MTRF1L: variants seen among roughly 807,000 people sequenced by gnomAD.
MTRF1L encodes the protein peptide chain release factor 1-like, mitochondrial.
Under a neutral mutation model 40.0 loss-of-function variants are expected in MTRF1L, and 29 were observed. The observed-to-expected ratio is 0.73, with a 90% CI of 0.54 to 0.99. MTRF1L has a LOEUF of 0.99. Ranked by LOEUF, MTRF1L falls within the 50% of genes least tolerant of loss-of-function variation. MTRF1L has a pLI of 0.00. For missense variants in MTRF1L, 412 were observed against 464.5 expected, an observed-to-expected ratio of 0.89 and a Z score of 1.04; for synonymous variants, 150 against 175.8, an observed-to-expected ratio of 0.85 and a Z score of 1.16.
chr6:152,991,086 G>A (rs1170559071), intron 6 of MTRF1L, 99 bp downstream of exon 6: 2 of 721,216 alleles, frequency 2.8e-6, no homozygotes, highest in Non-Finnish European at 4.3e-6. Flanking sequence ...TTTCAACACA[G>A]GTTAAAACAA....
chr6:152,991,335 C>G lies in MTRF1L; in HGVS notation c.806-14G>C. On this transcript the variant is annotated splice_polypyrimidine_tract_variant and intron_variant, in intron 5 of 6. Coordinates refer to ENST00000367233, the MANE Select transcript of MTRF1L (RefSeq NM_019041.7). ...CAGAAACAACACCTGAATAGTGTTACGAGAATTAAAAAGTTTTAATAAAAA... is the reference window on the plus strand; with the variant it reads ...CAGAAACAACACCTGAATAGTGTTAGGAGAATTAAAAAGTTTTAATAAAAA... 1.3e-6 allele frequency: 2 copies of G among 1,558,704 alleles called. No individual in the cohort carries two copies. The highest frequency in any genetic ancestry group is 2.4e-5 in the South Asian group (2 of 82,528).
At position 153,002,619 on chromosome 6, in the gene MTRF1L, G is replaced by T; in HGVS notation, c.67C>A (p.Arg23Ser). 2.0e-6 allele frequency: 3 copies of T among 1,537,758 alleles called. No homozygotes were observed. Among genetic ancestry groups the T allele is most frequent in the Non-Finnish European group, 2.6e-6 (3 of 1,142,710 alleles). ...GGGCTACCGGAGCTCAGGGGCCGGC[G>T]GGCTGGGCCAACGGCCCGGCGGGGC... is the stretch of plus-strand genomic sequence containing the variant. ...LWPRRAVGPARRPLSSGSPPL... is the reference protein window; with the variant it reads ...LWPRRAVGPASRPLSSGSPPL... Residue 23 changes from arginine (R) to serine (S), a missense_variant, in exon 1 of 7, where the codon CGC becomes AGC. Arg to Ser is a moderately radical substitution (Grantham distance 110). Transcript: ENST00000367233.
chr6:152,991,324 G>C lies in MTRF1L; in HGVS notation c.806-3C>G. 1.3e-6 allele frequency: 2 copies of C among 1,575,768 alleles called. No individual in the cohort carries two copies. Among genetic ancestry groups the C allele is most frequent in the Non-Finnish European group, 1.7e-6 (2 of 1,163,858 alleles). On this transcript the variant is annotated splice_region_variant and splice_polypyrimidine_tract_variant and intron_variant, in intron 5 of 6. Coordinates refer to ENST00000367233, the MANE Select transcript of MTRF1L (RefSeq NM_019041.7). Reference sequence around the variant, plus strand: ...TTGTTGACATTCAGAAACAACACCTGAATAGTGTTACGAGAATTAAAAAGT... The same window carrying C: ...TTGTTGACATTCAGAAACAACACCTCAATAGTGTTACGAGAATTAAAAAGT...
rs1778676554 is a variant in MTRF1L, at chr6:152,995,262, C to T, written c.397G>A (p.Val133Ile). The change falls in exon 3 of 7, where the codon GTA (valine) becomes ATA (isoleucine). Residue 133 changes from valine to isoleucine, a missense_variant. Val to Ile is a conservative substitution (Grantham distance 29). Transcript: ENST00000367233. ...TCCTGACCTCCAACTCCTGCAGTTA[C>T]TTCCAGGATCAAATCATTTTCATCT... is the stretch of plus-strand genomic sequence containing the variant. ...ETDENDLILE[V>I]TAGVGGQEAM... 6 of 1,607,140 alleles carry T rather than the reference C, an allele frequency of 3.7e-6. No homozygotes were observed. In the South Asian group the frequency reaches 4.5e-5, roughly 12 times the overall value.
chr6:152,996,253 TCA>T (rs1348452732), intron 2 of MTRF1L, among the ~76,000 whole-genome samples: 1 of 152,186 alleles, frequency 6.6e-6, no homozygotes, highest in East Asian at 1.9e-4. Context: ...TACACTGCTA[TCA>T]CACTTGACAT....
At chr6:152,997,579 C>T (rs1778756247) in intron 2 of MTRF1L, among the ~76,000 whole-genome samples, 1 of 152,172 alleles carries the variant, frequency 6.6e-6, no homozygotes, top group Non-Finnish European at 1.5e-5. Context: ...AAAGCAAAAG[C>T]AGACTGGCTA....
chr6:152,994,033 T>G (rs1778623775), intron 4 of MTRF1L, among the ~76,000 whole-genome samples: 1 of 152,232 alleles, frequency 6.6e-6, no homozygotes. Context: ...TAAGTTATCT[T>G]AAAAATATAG....
intron 4 of MTRF1L, among the ~76,000 whole-genome samples, chr6:152,993,564 T>C (rs1778605625): frequency 6.6e-6 from 1 of 152,156 alleles, no homozygotes; most frequent in East Asian, 1.9e-4. Flanking sequence ...TTCTGTGACA[T>C]CTCTGCAATG....
intron 4 of MTRF1L, among the ~76,000 whole-genome samples, chr6:152,994,213 G>A (rs1249164063): frequency 2.0e-5 from 3 of 152,102 alleles, no homozygotes; most frequent in Non-Finnish European, 4.4e-5. Context: ...CAAGGCAGAA[G>A]TCATTATAAA....
Position 152,991,201 on chromosome 6 carries a change from TTC to T in MTRF1L, c.924_925del (p.Asn309CysfsTer2). The T allele has an allele frequency of 1.3e-5, 20 of 1,550,904 alleles. No homozygotes were observed. The highest frequency in any genetic ancestry group is 1.5e-5 in the Non-Finnish European group (17 of 1,152,058). Reference sequence around the variant, plus strand: ...TTTTTTTACCTGAATTTTTCTAGCATTCTGTCTTTTATTTATTTCTTCTTCTA... The same window carrying T: ...TTTTTTTACCTGAATTTTTCTAGCATTGTCTTTTATTTATTTCTTCTTCTA... On this transcript the variant is annotated frameshift_variant, in exon 6 of 7. Coordinates refer to ENST00000367233, the MANE Select transcript of MTRF1L (RefSeq NM_019041.7). LOFTEE classifies it high-confidence loss of function.
chr6:152,997,088 T>C (rs1267811361), intron 2 of MTRF1L, among the ~76,000 whole-genome samples: 2 of 152,272 alleles, frequency 1.3e-5, no homozygotes, highest in African/African-American at 2.4e-5. Context: ...GGTGAAATCA[T>C]TGATGCTTTA....
At chr6:152,991,751 T>G (rs1778530193) in intron 5 of MTRF1L, among the ~76,000 whole-genome samples, 1 of 152,040 alleles carries the variant, frequency 6.6e-6, no homozygotes, top group Non-Finnish European at 1.5e-5. Flanking sequence ...GGGTTTCACC[T>G]TGTTAGCCAG....
chr6:152,996,605 T>G (rs1174346449), intron 2 of MTRF1L, among the ~76,000 whole-genome samples: 2 of 152,164 alleles, frequency 1.3e-5, no homozygotes, highest in Non-Finnish European at 2.9e-5. Flanking sequence ...CTTCCTTACC[T>G]AACATATTCT....
rs1259681833 is a variant in MTRF1L at position 152,992,932 on chromosome 6, T to C, written c.730A>G (p.Lys244Glu). ...TGCCCCCCAGCTCCACTGGCTCGCT[T>C]AGTGTCAATTCTCAAATCTTTCGGA... ...INPKDLRIDTKRASGAGGQHV... is the reference protein window; with the variant it reads ...INPKDLRIDTERASGAGGQHV... Residue 244 changes from lysine (K) to glutamate (E), a missense_variant, in exon 5 of 7, where the codon AAG becomes GAG. Coordinates refer to ENST00000367233, the MANE Select transcript of MTRF1L (RefSeq NM_019041.7). 6.2e-7 allele frequency: 1 copy of C among 1,613,000 alleles called. No individual in the cohort carries two copies. Among genetic ancestry groups the C allele is most frequent in the Admixed American group, 1.7e-5 (1 of 60,010 alleles).
chr6:153,002,347 C>T (rs1387149173), intron 1 of MTRF1L, 80 bp downstream of exon 1: 5 of 1,604,370 alleles, frequency 3.1e-6, no homozygotes, highest in Admixed American at 1.7e-5. Flanking sequence ...GTTTCAAACT[C>T]GGGTAGTGTG....
At chr6:152,991,366 T>A in intron 5 of MTRF1L, 45 bp from the exon 6 acceptor site, 2 of 1,510,388 alleles carry the variant, frequency 1.3e-6, no homozygotes, top group Non-Finnish European at 1.8e-6. Context: ...AAAAAAATCT[T>A]CTTTACTTAT....
chr6:152,990,204 C>G, intron 6 of MTRF1L, 109 bp from the exon 7 acceptor site: 1 of 1,381,282 alleles, frequency 7.2e-7, no homozygotes, highest in Non-Finnish European at 9.7e-7. Flanking sequence ...GAATCAAATG[C>G]GAGAACCAGG....
In MTRF1L at chr6:152,994,882, A is replaced by T. The variant is rs946289286; in HGVS notation, c.524-206T>A. ...AAACAAAGCATTTATGGGGCTAATCAGTTGACATCAGTAACACATCTAAGA... is the reference window on the plus strand; with the variant it reads ...AAACAAAGCATTTATGGGGCTAATCTGTTGACATCAGTAACACATCTAAGA... On this transcript the variant is annotated intron_variant, in intron 3 of 6. Coordinates refer to ENST00000367233, the MANE Select transcript of MTRF1L (RefSeq NM_019041.7). 3.7e-5 allele frequency: 27 copies of T among 737,082 alleles called. 1 individual carries two copies. Among genetic ancestry groups the T allele is most frequent in the Non-Finnish European group, 5.5e-5 (25 of 457,336 alleles). 45.7% of individuals were successfully genotyped at this position (737,082 alleles called of 1,614,324 possible).
At position 152,998,605 on chromosome 6, in the gene MTRF1L, A is replaced by G; in HGVS notation, c.284T>C (p.Leu95Pro). ...LHDENEDLRK[L>P]AENEITLCQK... ...ACACAAAGTGATTTCATTCTCTGCAAGTTTCCTTAAATCTTCATTCTCATC... is the reference window on the plus strand; with the variant it reads ...ACACAAAGTGATTTCATTCTCTGCAGGTTTCCTTAAATCTTCATTCTCATC... Residue 95 changes from leucine (L) to proline (P), a missense_variant, in exon 2 of 7, where the codon CTT (leucine) becomes CCT (proline). Coordinates refer to ENST00000367233, the MANE Select transcript of MTRF1L (RefSeq NM_019041.7). 6.3e-7 allele frequency: 1 copy of G among 1,597,858 alleles called. No homozygotes were observed. The highest frequency in any genetic ancestry group is 8.5e-7 in the Non-Finnish European group (1 of 1,174,246).
Sources: allele counts gnomAD v4.1 joint callset (sites outside exome capture counted in the v4.1 genomes callset), GRCh38; gene constraint gnomAD v4.1.1; transcripts MANE v1.5; gene names NCBI Gene and HGNC (gene_info 2026-07-23, HGNC 2026-07-21).